The following SPECC1 variants were observed in gnomAD, a reference collection of about 807,000 sequenced individuals.
SPECC1 encodes the protein cytospin-B.
SPECC1 carries 62 observed loss-of-function variants against 104.1 expected under a neutral mutation model. The observed-to-expected ratio is 0.60, with a 90% CI of 0.49 to 0.74. SPECC1 has a LOEUF of 0.74. SPECC1 is among the 30% of genes least tolerant of loss of function. SPECC1 has a pLI of 0.00. For synonymous variants in SPECC1, 513 were observed against 501.6 expected (o/e 1.02, Z -0.30); for missense variants, 1,306 against 1,310.5 (o/e 1.00, Z 0.05).
chr17:20,108,231 A>G (rs1172675985), intron 2 of SPECC1, among the ~76,000 whole-genome samples: 1 of 151,434 alleles, frequency 6.6e-6, no homozygotes, highest in Non-Finnish European at 1.5e-5. Flanking sequence ...TTACAAAAAA[A>G]AGGAAAAAAA....
chr17:20,086,354 CACAG>C (rs748603057), intron 1 of SPECC1, among the ~76,000 whole-genome samples: 18 of 152,300 alleles, frequency 1.2e-4, no homozygotes, highest in African/African-American at 3.8e-4. Context: ...CCTTCACTTC[CACAG>C]ACAGACAGAC....
intron 1 of SPECC1, among the ~76,000 whole-genome samples, chr17:20,036,489 A>G (rs2045087014): frequency 6.6e-6 from 1 of 152,216 alleles, no homozygotes; most frequent in African/African-American, 2.4e-5. Flanking sequence ...GTACAACATG[A>G]TGTTTTGGAG....
intron 3 of SPECC1, among the ~76,000 whole-genome samples, chr17:20,187,991 T>C (rs1266208068): frequency 6.6e-6 from 1 of 152,172 alleles, no homozygotes; most frequent in Non-Finnish European, 1.5e-5. Flanking sequence ...GTGTGCCATG[T>C]TAATGAAGAT....
chr17:20,297,077 A>G lies in SPECC1; in HGVS notation c.3057A>G (p.Lys1019=). The G allele has an allele frequency of 6.2e-7, 1 of 1,613,456 alleles. No individual in the cohort carries two copies. Among genetic ancestry groups the G allele is most frequent in the Non-Finnish European group, 8.5e-7 (1 of 1,179,486 alleles). Residue 1019 remains lysine, a splice_region_variant and synonymous_variant, in exon 13 of 15, where the codon AAA becomes AAG. Coordinates refer to ENST00000395527, the MANE Select transcript of SPECC1 (RefSeq NM_001243439.2). The part of the protein sequence containing the change: ...IPYQELNSQE[K]KRNLLLAFEA... ...ACCAGGAGCTGAATAGTCAGGAGAA[A>G]GTAAGTCATGGCCCTGTCACCTTGG...
intron 3 of SPECC1, among the ~76,000 whole-genome samples, chr17:20,157,316 G>T (rs1278595030): frequency 6.6e-6 from 1 of 152,004 alleles, no homozygotes; most frequent in African/African-American, 2.4e-5. Flanking sequence ...AAACTTGGAC[G>T]GGCTGTCCAA....
chr17:20,068,538 G>C (rs1382144156), intron 1 of SPECC1, among the ~76,000 whole-genome samples: 1 of 152,164 alleles, frequency 6.6e-6, no homozygotes, highest in East Asian at 1.9e-4. Flanking sequence ...GTAACTGGGT[G>C]TAACTTTTTG....
At chr17:20,134,655 T>G (rs2049832398) in intron 3 of SPECC1, among the ~76,000 whole-genome samples, 1 of 152,166 alleles carries the variant, frequency 6.6e-6, no homozygotes, top group African/African-American at 2.4e-5. Flanking sequence ...CTCACTATGT[T>G]GCCCAGGCTA....
intron 7 of SPECC1, among the ~76,000 whole-genome samples, chr17:20,242,463 GAC>G (rs1051746754): frequency 2.0e-5 from 3 of 152,210 alleles, no homozygotes; most frequent in African/African-American, 7.2e-5. Context: ...TGCTGTGTGT[GAC>G]ACAGCATCAG....
intron 2 of SPECC1, among the ~76,000 whole-genome samples, chr17:20,105,148 A>G (rs1399005225): frequency 2.6e-5 from 4 of 151,488 alleles, no homozygotes; most frequent in Non-Finnish European, 5.9e-5. Flanking sequence ...CCCATACTGG[A>G]GTGCAGTGGT....
chr17:20,082,728 T>C (rs7210439), intron 1 of SPECC1, among the ~76,000 whole-genome samples: 18,705 of 152,162 alleles, frequency 0.12, 1,152 homozygotes, highest in Non-Finnish European at 0.13. Context: ...CCATATGACC[T>C]CATTGCACCT....
intron 5 of SPECC1, among the ~76,000 whole-genome samples, chr17:20,231,196 C>G (rs1159519307): frequency 6.6e-6 from 1 of 152,232 alleles, no homozygotes; most frequent in Non-Finnish European, 1.5e-5. Flanking sequence ...CGGGTTCTGT[C>G]TGCCCTTGGA....
chr17:20,293,204 CT>C (rs5819701), intron 12 of SPECC1, among the ~76,000 whole-genome samples: 157 of 144,426 alleles, frequency 1.1e-3, no homozygotes, highest in Admixed American at 4.0e-3. Flanking sequence ...AGATTATAGG[CT>C]TTTTTTTTTT....
In SPECC1 at chr17:20,318,593, T is replaced by C. The variant is rs923062612; in HGVS notation, c.*4528T>C. The C allele has an allele frequency of 8.7e-6, 2 of 229,336 alleles. No homozygotes were observed. Among genetic ancestry groups the C allele is most frequent in the Admixed American group, 1.1e-4 (2 of 17,622 alleles). The allele number at this position is 229,336 out of a possible 1,614,324, so 14.2% of individuals were successfully genotyped here. ...GGGGCAGCTTGTGGAGATGGAGGAC[T>C]CGGGCCCATAGATGCAGACCCCCTA... is the stretch of plus-strand genomic sequence containing the variant. On this transcript the variant is annotated 3_prime_UTR_variant, in exon 15 of 15. Transcript: ENST00000395527.
intron 4 of SPECC1, among the ~76,000 whole-genome samples, chr17:20,210,746 G>C (rs866621010): frequency 1.3e-5 from 2 of 152,128 alleles, no homozygotes; most frequent in African/African-American, 4.8e-5. Flanking sequence ...AGCGCCTTCC[G>C]GTGCTGCCTG....
In SPECC1 at chr17:20,264,312, G is replaced by T. The variant is rs188555875; in HGVS notation, c.2940+4018G>T. ...ACAAGGGTATATTGCTTGATGCTGA[G>T]GCTTGAGTTATGGGTCCCGTCACCC... is the stretch of plus-strand genomic sequence containing the variant. On this transcript the variant is annotated intron_variant, in intron 12 of 14. Transcript: ENST00000395527. Among the ~76,000 whole-genome samples, 37 of 152,118 alleles carry T rather than the reference G, an allele frequency of 2.4e-4. 1 individual carries two copies. In the Middle Eastern group the frequency reaches 0.01, roughly 42 times the overall value.
intron 2 of SPECC1, among the ~76,000 whole-genome samples, chr17:20,102,752 G>A (rs925401179): frequency 1.3e-5 from 2 of 152,002 alleles, no homozygotes; most frequent in Admixed American, 6.6e-5. Flanking sequence ...GTTGCATTGC[G>A]TTCATTTTTC....
intron 13 of SPECC1, among the ~76,000 whole-genome samples, chr17:20,299,499 G>A (rs1420722755): frequency 7.1e-6 from 1 of 140,912 alleles, no homozygotes; most frequent in African/African-American, 2.7e-5. Context: ...GTTTGAGGCT[G>A]TAGCAAGCCA....
chr17:20,052,886 T>C (rs1261985256), intron 1 of SPECC1, among the ~76,000 whole-genome samples: 1 of 152,146 alleles, frequency 6.6e-6, no homozygotes, highest in Non-Finnish European at 1.5e-5. Context: ...CAATGTGAGG[T>C]CACATCTATA....
intron 1 of SPECC1, among the ~76,000 whole-genome samples, chr17:20,064,917 A>G (rs2046309615): frequency 6.6e-6 from 1 of 152,192 alleles, no homozygotes; most frequent in African/African-American, 2.4e-5. Context: ...ACAAAATTAA[A>G]AAGTCATCTA....
Sources: allele counts gnomAD v4.1 joint callset (sites outside exome capture counted in the v4.1 genomes callset), GRCh38; gene constraint gnomAD v4.1.1; transcripts MANE v1.5; gene names NCBI Gene and HGNC (gene_info 2026-07-23, HGNC 2026-07-21).